Variants in SDK1 observed in about 807,000 individuals in gnomAD.
SDK1 encodes the protein sidekick cell adhesion molecule 1.
Under a neutral mutation model 245.5 loss-of-function variants are expected in SDK1, and 157 were observed. The ratio of observed to expected loss-of-function variants is 0.64; its 90% confidence interval spans 0.56 to 0.73. The LOEUF (loss-of-function observed/expected upper bound fraction) is 0.73, where lower values mean the gene tolerates loss of function less well. Among genes scored for constraint, SDK1 ranks in the 30% least tolerant of loss-of-function variants. The pLI is 0.00. For synonymous variants in SDK1, 1,647 were observed against 1,278.5 expected (o/e 1.29, Z -6.15); for missense variants, 3,583 against 3,002.3 (o/e 1.19, Z -4.52).
intron 40 of SDK1, among the ~76,000 whole-genome samples, chr7:4,226,323 A>C (rs531923270): frequency 6.6e-6 from 1 of 152,104 alleles, no homozygotes; most frequent in East Asian, 1.9e-4. Flanking sequence ...GCTCGGCCTG[A>C]TGTCTCTCTA....
At chr7:3,439,265 C>T (rs942079821) in intron 1 of SDK1, among the ~76,000 whole-genome samples, 1 of 152,108 alleles carries the variant, frequency 6.6e-6, no homozygotes, top group Admixed American at 6.5e-5. Context: ...TTTTATTTCC[C>T]CTGAGTGAAC....
chr7:3,442,206 G>T (rs985937251), intron 1 of SDK1, among the ~76,000 whole-genome samples: 1 of 152,164 alleles, frequency 6.6e-6, no homozygotes, highest in Non-Finnish European at 1.5e-5. Context: ...AGAGATCAGG[G>T]TGCCATATGT....
At position 3,913,268 on chromosome 7, in the gene SDK1, C is replaced by T. The variant is rs551684251; in HGVS notation, c.848-37655C>T. Reference sequence around the variant, plus strand: ...CCTCCTGGCCCTTCCCTCTCCCCTCCTCTGACCTTTCTCTTACACTTATCT... The same window carrying T: ...CCTCCTGGCCCTTCCCTCTCCCCTCTTCTGACCTTTCTCTTACACTTATCT... On this transcript the variant is annotated intron_variant, in intron 5 of 44. Transcript: ENST00000404826. 4.9e-4 allele frequency among the ~76,000 whole-genome samples: 75 copies of T among 151,932 alleles called. 1 individual carries two copies. Among genetic ancestry groups the T allele is most frequent in the South Asian group, 2.5e-3 (12 of 4,782 alleles).
In SDK1 at chr7:3,723,760, A is replaced by T. The variant is rs946886476; in HGVS notation, c.713+81655A>T. Among the ~76,000 whole-genome samples the T allele has an allele frequency of 2.2e-3, 321 of 145,160 alleles. 3 individuals are homozygous for T. The highest frequency in any genetic ancestry group is 7.3e-3 in the African/African-American group (284 of 38,962). ...CATATACACGTGTATATACACGTAC[A>T]TATACATATACACGTGTATATACAC... On this transcript the variant is annotated intron_variant, in intron 4 of 44. Transcript: ENST00000404826.
intron 1 of SDK1, among the ~76,000 whole-genome samples, chr7:3,468,862 C>T (rs1781093208): frequency 6.6e-6 from 1 of 152,148 alleles, no homozygotes; most frequent in South Asian, 2.1e-4. Context: ...TGCGATTTCT[C>T]CTATTCATTG....
chr7:3,559,433 T>A (rs979237801), intron 1 of SDK1, among the ~76,000 whole-genome samples: 1 of 152,214 alleles, frequency 6.6e-6, no homozygotes, highest in Non-Finnish European at 1.5e-5. Flanking sequence ...AGTGAACTTT[T>A]ATGTTTCTTT....
At chr7:4,176,129 T>C (rs912394562) in intron 34 of SDK1, among the ~76,000 whole-genome samples, 4 of 152,148 alleles carry the variant, frequency 2.6e-5, no homozygotes, top group Non-Finnish European at 5.9e-5. Flanking sequence ...TTTTTTTTTT[T>C]TTAAAGAAAC....
At chr7:4,202,280 G>T (rs549150601) in intron 35 of SDK1, among the ~76,000 whole-genome samples, 1 of 152,328 alleles carries the variant, frequency 6.6e-6, no homozygotes, top group East Asian at 1.9e-4. Flanking sequence ...GATTTTGGCA[G>T]CGTTAGGCTG....
intron 1 of SDK1, among the ~76,000 whole-genome samples, chr7:3,334,067 A>C (rs1406791372): frequency 6.6e-6 from 1 of 152,112 alleles, no homozygotes; most frequent in African/African-American, 2.4e-5. Flanking sequence ...GTTGGACCAT[A>C]CCATTTGTGT....
chr7:3,964,907 T>A (rs962038254), intron 9 of SDK1, among the ~76,000 whole-genome samples: 29 of 152,202 alleles, frequency 1.9e-4, no homozygotes. Context: ...TTGTCTTTCA[T>A]TTTGGAGCTT....
chr7:3,504,647 G>A (rs1406645109), intron 1 of SDK1, among the ~76,000 whole-genome samples: 1 of 152,094 alleles, frequency 6.6e-6, no homozygotes, highest in African/African-American at 2.4e-5. Context: ...CACAGCATAT[G>A]CAGAAATTAA....
chr7:4,075,812 G>A (rs1020859324), intron 20 of SDK1, among the ~76,000 whole-genome samples: 58 of 152,008 alleles, frequency 3.8e-4, no homozygotes, highest in African/African-American at 1.4e-3. Flanking sequence ...CCACCACCAT[G>A]CATGGCTAAT....
At chr7:3,613,040 A>C (rs1422015143) in intron 1 of SDK1, among the ~76,000 whole-genome samples, 1 of 152,186 alleles carries the variant, frequency 6.6e-6, no homozygotes, top group Non-Finnish European at 1.5e-5. Flanking sequence ...ATCCTAGTGG[A>C]AGCTCTCTTG....
chr7:3,779,127 A>G (rs1239016374), intron 4 of SDK1, among the ~76,000 whole-genome samples: 1 of 152,204 alleles, frequency 6.6e-6, no homozygotes, highest in African/African-American at 2.4e-5. Context: ...TGATTATATT[A>G]TTTTAAATTG....
intron 17 of SDK1, among the ~76,000 whole-genome samples, chr7:4,019,804 T>C (rs370126420): frequency 1.1e-4 from 17 of 152,148 alleles, no homozygotes; most frequent in African/African-American, 3.1e-4. Flanking sequence ...TCTTCGTGTC[T>C]TCTTCATGTC....
At chr7:4,048,420 G>T (rs73040480) in intron 17 of SDK1, among the ~76,000 whole-genome samples, 1 of 151,992 alleles carries the variant, frequency 6.6e-6, no homozygotes. Flanking sequence ...GTCATCAGCC[G>T]TGCTGCTGGG....
chr7:3,367,936 C>T (rs2140114), intron 1 of SDK1, among the ~76,000 whole-genome samples: 69,236 of 152,028 alleles, frequency 0.46, 17,352 homozygotes, highest in East Asian at 0.61. Context: ...CTTAAATTTC[C>T]ACTTATTGCA....
chr7:4,020,489 T>C (rs1270272083), intron 17 of SDK1, among the ~76,000 whole-genome samples: 1 of 152,122 alleles, frequency 6.6e-6, no homozygotes, highest in Non-Finnish European at 1.5e-5. Context: ...ACCACCAGTC[T>C]AGAAAGAGCT....
In SDK1 at chr7:3,386,505, G is replaced by C. The variant is rs551533924; in HGVS notation, c.298+84621G>C. Among the ~76,000 whole-genome samples, 5 of 152,296 alleles carry C rather than the reference G, an allele frequency of 3.3e-5. No individual in the cohort carries two copies. The East Asian group carries it at 9.6e-4, about 29-fold the overall frequency. On this transcript the variant is annotated intron_variant, in intron 1 of 44. Coordinates refer to ENST00000404826, the MANE Select transcript of SDK1 (RefSeq NM_152744.4). ...CAGAGCTGTCTAGAAGTAATTTCTAGTTTCTCCTAGGCTACTCATGATGTT... is the reference window on the plus strand; with the variant it reads ...CAGAGCTGTCTAGAAGTAATTTCTACTTTCTCCTAGGCTACTCATGATGTT...
Sources: gnomAD v4.1 joint callset for allele counts (sites outside exome capture counted in the v4.1 genomes callset) on GRCh38, gnomAD v4.1.1 for gene constraint, MANE v1.5 for transcripts, NCBI Gene and HGNC (gene_info 2026-07-23, HGNC 2026-07-21) for gene names.